MGAT5: variants seen among roughly 807,000 people sequenced by gnomAD.
MGAT5 encodes alpha-1,6-mannosylglycoprotein 6-beta-N-acetylglucosaminyltransferase A.
Under a neutral mutation model 94.3 loss-of-function variants are expected in MGAT5, and 30 were observed. The observed-to-expected ratio is 0.32, with a 90% confidence interval of 0.24 to 0.43. The LOEUF (loss-of-function observed/expected upper bound fraction) is 0.43. Among genes scored for constraint, MGAT5 ranks in the 20% least tolerant of loss-of-function variants. MGAT5 has a pLI of 1.00. For synonymous variants in MGAT5, 310 were observed against 322.9 expected (o/e 0.96, Z 0.43); for missense variants, 691 against 905.5 (o/e 0.76, Z 3.04).
chr2:134,284,860 G>A (rs947340930), intron 2 of MGAT5, among the ~76,000 whole-genome samples: 4 of 152,152 alleles, frequency 2.6e-5, no homozygotes, highest in South Asian at 4.1e-4. Context: ...AGAAGGTCAC[G>A]TGTGGCATTT....
At chr2:134,186,149 C>T (rs889686727) in intron 1 of MGAT5, among the ~76,000 whole-genome samples, 17 of 152,226 alleles carry the variant, frequency 1.1e-4, no homozygotes, top group African/African-American at 4.1e-4. Flanking sequence ...CTGCCTGTCT[C>T]CCCAAATGGG....
chr2:134,319,728 A>T (rs1687207893), intron 4 of MGAT5: 1 of 417,274 alleles, frequency 2.4e-6, no homozygotes, highest in South Asian at 1.7e-5. Flanking sequence ...AATTCAATGT[A>T]GCTGAAGCTC....
chr2:134,135,708 A>G (rs1359192446), intron 1 of MGAT5, among the ~76,000 whole-genome samples: 5 of 151,120 alleles, frequency 3.3e-5, no homozygotes, highest in Middle Eastern at 3.4e-3. Context: ...AAAAAAAAAA[A>G]AAAAAAGAAA....
chr2:134,304,368 G>T (rs1467076446), intron 2 of MGAT5, among the ~76,000 whole-genome samples: 1 of 152,116 alleles, frequency 6.6e-6, no homozygotes, highest in South Asian at 2.1e-4. Context: ...GATGGTGAAT[G>T]GGTTTTCAGG....
chr2:134,255,731 G>A (rs1204551543), intron 1 of MGAT5, among the ~76,000 whole-genome samples: 1 of 152,098 alleles, frequency 6.6e-6, no homozygotes, highest in African/African-American at 2.4e-5. Flanking sequence ...CAAGAATGGG[G>A]TTAGGTGAGG....
intron 10 of MGAT5, among the ~76,000 whole-genome samples, chr2:134,397,998 G>T (rs774709222): frequency 1.3e-5 from 2 of 152,170 alleles, no homozygotes; most frequent in Non-Finnish European, 2.9e-5. Flanking sequence ...ATTCATTATT[G>T]TATGTTTGTA....
chr2:134,367,306 A>G (rs561211778), intron 10 of MGAT5, among the ~76,000 whole-genome samples: 1 of 152,224 alleles, frequency 6.6e-6, no homozygotes, highest in Non-Finnish European at 1.5e-5. Context: ...AGGGAGTTCT[A>G]TCCTATGAGG....
At chr2:134,231,532 T>G (rs1681363914) in intron 1 of MGAT5, among the ~76,000 whole-genome samples, 1 of 152,236 alleles carries the variant, frequency 6.6e-6, no homozygotes, top group Non-Finnish European at 1.5e-5. Context: ...GCTGTCTTGA[T>G]GTCTTCTCAT....
intron 6 of MGAT5, among the ~76,000 whole-genome samples, 188 bp from the exon 7 acceptor site, chr2:134,341,401 TG>T (rs1688624462): frequency 6.6e-6 from 1 of 152,238 alleles, no homozygotes; most frequent in South Asian, 2.1e-4. Context: ...GCAGTGATTT[TG>T]TTTCTCTAAA....
intron 10 of MGAT5, among the ~76,000 whole-genome samples, chr2:134,383,743 G>A (rs1356069893): frequency 3.3e-5 from 5 of 149,604 alleles, no homozygotes; most frequent in East Asian, 2.0e-4. Context: ...TCACTGTGTC[G>A]CCCAGGCTGG....
intron 1 of MGAT5, among the ~76,000 whole-genome samples, chr2:134,173,880 G>A (rs1012832525): frequency 3.9e-5 from 6 of 152,174 alleles, no homozygotes; most frequent in East Asian, 3.9e-4. Flanking sequence ...GCCTCTACAC[G>A]CTTTCTCCAC....
intron 1 of MGAT5, among the ~76,000 whole-genome samples, chr2:134,234,793 G>C (rs1573578714): frequency 1.3e-5 from 2 of 152,336 alleles, no homozygotes; most frequent in African/African-American, 2.4e-5. Flanking sequence ...AGAAAGTCCA[G>C]AATAGTTGAG....
chr2:134,416,626 G>A (rs990376288), intron 12 of MGAT5, among the ~76,000 whole-genome samples: 4 of 151,614 alleles, frequency 2.6e-5, no homozygotes, highest in Non-Finnish European at 4.4e-5. Context: ...TGTGTGCCAC[G>A]ACACCTCGCT....
chr2:134,425,362 T>C (rs1684518069), intron 13 of MGAT5, among the ~76,000 whole-genome samples: 1 of 152,042 alleles, frequency 6.6e-6, no homozygotes, highest in Non-Finnish European at 1.5e-5. Flanking sequence ...TTTTTTTGTT[T>C]TTGTTTTTGT....
At chr2:134,313,920 G>A (rs1013111656) in intron 2 of MGAT5, among the ~76,000 whole-genome samples, 5 of 152,000 alleles carry the variant, frequency 3.3e-5, no homozygotes, top group Admixed American at 3.3e-4. Context: ...AACCTTTTTT[G>A]GCTCAAAGTT....
In MGAT5 at chr2:134,203,401, T is replaced by A. The variant is rs138723146; in HGVS notation, c.-142-50861T>A. 1.2e-3 allele frequency among the ~76,000 whole-genome samples: 179 copies of A among 152,314 alleles called. 1 individual carries two copies. Among genetic ancestry groups the A allele is most frequent in the African/African-American group, 4.1e-3 (170 of 41,564 alleles). On this transcript the variant is annotated intron_variant, in intron 1 of 16. Coordinates refer to the MGAT5 transcript ENST00000409645. ...GGTCCAAGGATAAGTGGTTTTTCACTTAAGCTAAGGATCAGTCACAGGATG... is the reference window on the plus strand; with the variant it reads ...GGTCCAAGGATAAGTGGTTTTTCACATAAGCTAAGGATCAGTCACAGGATG...
chr2:134,132,505 C>T (rs549388464), intron 1 of MGAT5, among the ~76,000 whole-genome samples: 24 of 152,332 alleles, frequency 1.6e-4, no homozygotes, highest in African/African-American at 5.5e-4. Flanking sequence ...GGTCAGAGGT[C>T]AGGCGGCACG....
Position 134,426,234 on chromosome 2 carries a change from C to T in MGAT5, c.1795-2131C>T, listed in dbSNP as rs146999064. Among the ~76,000 whole-genome samples the T allele has an allele frequency of 3.7e-4, 56 of 152,228 alleles. 1 individual carries two copies. The highest frequency in any genetic ancestry group is 6.6e-4 in the Non-Finnish European group (45 of 68,008). ...CCTTCCTTCCTTCCTTCCTTCATTCCTTCCGTCCCTCCATCTCTCCCTCCT... is the reference window on the plus strand; with the variant it reads ...CCTTCCTTCCTTCCTTCCTTCATTCTTTCCGTCCCTCCATCTCTCCCTCCT... On this transcript the variant is annotated intron_variant, in intron 13 of 15. Coordinates refer to ENST00000281923, the MANE Select transcript of MGAT5 (RefSeq NM_002410.5).
chr2:134,335,301 T>A (rs920988071), intron 4 of MGAT5, among the ~76,000 whole-genome samples: 1 of 152,102 alleles, frequency 6.6e-6, no homozygotes, highest in Non-Finnish European at 1.5e-5. Context: ...CATAGAAAAA[T>A]TATTTTCAAT....
Sources: gnomAD v4.1 joint callset for allele counts (sites outside exome capture counted in the v4.1 genomes callset) on GRCh38, gnomAD v4.1.1 for gene constraint, MANE v1.5 for transcripts, NCBI Gene and HGNC (gene_info 2026-07-23, HGNC 2026-07-21) for gene names.